The following ZDHHC17 variants were observed in gnomAD, a reference collection of about 807,000 sequenced individuals.
ZDHHC17 encodes the protein palmitoyltransferase ZDHHC17.
In ZDHHC17, 40 loss-of-function variants were observed where a neutral mutation model predicts 90.3. The observed-to-expected ratio is 0.44, with a 90% confidence interval of 0.34 to 0.58. The LOEUF is 0.58. Among genes scored for constraint, ZDHHC17 ranks in the 20% least tolerant of loss-of-function variants. The pLI is 0.01. For synonymous variants in ZDHHC17, 235 were observed against 252.4 expected (o/e 0.93, Z 0.65); for missense variants, 614 against 780.8 (o/e 0.79, Z 2.55).
rs2137786764 is a variant in ZDHHC17 at position 76,828,580 on chromosome 12, C to G, written c.1141+90C>G. 5 of 1,076,208 alleles carry G rather than the reference C, an allele frequency of 4.6e-6. No individual in the cohort carries two copies. The Middle Eastern group carries it at 8.9e-4, about 191-fold the overall frequency. The allele number at this position is 1,076,208 out of a possible 1,614,324, so 66.7% of individuals were successfully genotyped here. A position where few individuals can be genotyped will look rare whatever the true frequency, so the allele number is the denominator to read the frequency against. ...ATAATTTGACATTAGGACTGATCTA[C>G]TCATTCATAATACATTAAAATAGTG... On this transcript the variant is annotated intron_variant, in intron 10 of 16. Coordinates refer to ENST00000426126, the MANE Select transcript of ZDHHC17 (RefSeq NM_015336.4).
At chr12:76,843,053 G>A (rs1953453826) in intron 12 of ZDHHC17, 72 bp downstream of exon 12, 16 of 1,196,534 alleles carry the variant, frequency 1.3e-5, no homozygotes, top group South Asian at 5.8e-5. Context: ...CGGGTATGGG[G>A]TGTGGGGAAA....
chr12:76,765,862 G>A (rs1383790644), intron 1 of ZDHHC17, among the ~76,000 whole-genome samples: 4 of 151,924 alleles, frequency 2.6e-5, no homozygotes, highest in African/African-American at 9.7e-5. Flanking sequence ...CACCATACCC[G>A]GCTGATTTTT....
Position 76,845,459 on chromosome 12 carries a change from A to C in ZDHHC17, c.1330-250A>C, listed in dbSNP as rs141698856. 423 of 213,436 alleles carry C rather than the reference A, an allele frequency of 2.0e-3. 1 individual carries two copies. The highest frequency in any genetic ancestry group is 9.1e-3 in the African/African-American group (396 of 43,688). 13.2% of individuals were successfully genotyped at this position (213,436 alleles called of 1,614,324 possible). A position where few individuals can be genotyped will look rare whatever the true frequency, so the allele number is the denominator to read the frequency against. On this transcript the variant is annotated intron_variant, in intron 12 of 16. Transcript: ENST00000426126. Reference sequence around the variant, plus strand: ...AATTGGTAATTCTTAGCTTTTGTAAATTGATGGTTCAGTTCCATTCTTAAG... The same window carrying C: ...AATTGGTAATTCTTAGCTTTTGTAACTTGATGGTTCAGTTCCATTCTTAAG...
chr12:76,830,053 C>T (rs1011690568), intron 10 of ZDHHC17, among the ~76,000 whole-genome samples: 1 of 132,724 alleles, frequency 7.5e-6, no homozygotes, highest in Non-Finnish European at 1.6e-5. Flanking sequence ...CCAATAAAGA[C>T]AGCAAGCCAA....
intron 5 of ZDHHC17, among the ~76,000 whole-genome samples, chr12:76,810,494 G>T (rs1291316194): frequency 6.6e-6 from 1 of 152,118 alleles, no homozygotes. Context: ...CTCATCACAA[G>T]AATAACTTTA....
chr12:76,786,321 G>A (rs181260524), intron 1 of ZDHHC17, among the ~76,000 whole-genome samples: 4 of 151,562 alleles, frequency 2.6e-5, no homozygotes, highest in Admixed American at 6.6e-5. Flanking sequence ...TTGCTCTGTC[G>A]TCCAGGCTGT....
chr12:76,784,697 T>C (rs997303539), intron 1 of ZDHHC17, among the ~76,000 whole-genome samples: 1 of 152,212 alleles, frequency 6.6e-6, no homozygotes, highest in African/African-American at 2.4e-5. Context: ...CCAAAACCCT[T>C]GCATACATAT....
intron 1 of ZDHHC17, among the ~76,000 whole-genome samples, chr12:76,774,242 C>A (rs1360216507): frequency 8.0e-6 from 1 of 124,858 alleles, no homozygotes; most frequent in African/African-American, 3.0e-5. Context: ...AGAGTGAGAC[C>A]CTGTCTCAAA....
chr12:76,775,137 C>T (rs924102375), intron 1 of ZDHHC17, among the ~76,000 whole-genome samples: 1 of 152,186 alleles, frequency 6.6e-6, no homozygotes, highest in African/African-American at 2.4e-5. Flanking sequence ...TTCCTGATAG[C>T]ACAATTGTAC....
chr12:76,783,614 A>T (rs2137726856), intron 1 of ZDHHC17, among the ~76,000 whole-genome samples: 1 of 152,368 alleles, frequency 6.6e-6, no homozygotes, highest in South Asian at 2.1e-4. Flanking sequence ...TGGAATACAG[A>T]TTTTATCTCT....
chr12:76,829,381 C>T (rs765399998), intron 10 of ZDHHC17, among the ~76,000 whole-genome samples: 13 of 147,062 alleles, frequency 8.8e-5, no homozygotes, highest in East Asian at 2.0e-4. Flanking sequence ...TGTTTTAACC[C>T]GAGAGGCGGA....
chr12:76,828,784 C>T (rs1196221347), intron 10 of ZDHHC17, among the ~76,000 whole-genome samples: 7 of 152,018 alleles, frequency 4.6e-5, no homozygotes, highest in Non-Finnish European at 4.4e-5. Context: ...ATTGTTATCC[C>T]CCTTTTCCCC....
intron 6 of ZDHHC17, 97 bp from the exon 7 acceptor site, chr12:76,815,760 G>A (rs1953079522): frequency 7.9e-7 from 1 of 1,262,616 alleles, no homozygotes; most frequent in Non-Finnish European, 1.0e-6. Flanking sequence ...AAAATGGAAT[G>A]CTACTGTAAG....
At chr12:76,786,135 T>C (rs1592464699) in intron 1 of ZDHHC17, among the ~76,000 whole-genome samples, 1 of 141,878 alleles carries the variant, frequency 7.0e-6, no homozygotes, top group African/African-American at 2.6e-5. Context: ...TTTTTTTTTT[T>C]AAAGAGATGG....
chr12:76,767,771 T>C (rs1261840484), intron 1 of ZDHHC17, among the ~76,000 whole-genome samples: 2 of 152,114 alleles, frequency 1.3e-5, no homozygotes, highest in Non-Finnish European at 2.9e-5. Flanking sequence ...AATACAAAAT[T>C]AGCCATGCGT....
chr12:76,784,257 A>G (rs1377142392), intron 1 of ZDHHC17, among the ~76,000 whole-genome samples: 1 of 152,234 alleles, frequency 6.6e-6, no homozygotes, highest in Non-Finnish European at 1.5e-5. Flanking sequence ...TGTCTAAACC[A>G]TATCTAGTTT....
intron 10 of ZDHHC17, among the ~76,000 whole-genome samples, chr12:76,834,351 A>G (rs1296464200): frequency 6.6e-6 from 1 of 152,180 alleles, no homozygotes; most frequent in South Asian, 2.1e-4. Context: ...ATGTCTGAAA[A>G]TAAGTAATTT....
chr12:76,828,270 C>A, intron 9 of ZDHHC17, 120 bp from the exon 10 acceptor site: 2 of 810,738 alleles, frequency 2.5e-6, no homozygotes, highest in Non-Finnish European at 3.6e-6. Flanking sequence ...GCATCCTGAA[C>A]TCTGGATTCT....
intron 3 of ZDHHC17, among the ~76,000 whole-genome samples, chr12:76,808,783 G>A (rs571062171): frequency 4.6e-5 from 7 of 150,688 alleles, no homozygotes; most frequent in African/African-American, 1.5e-4. Flanking sequence ...TCTTTTTTAC[G>A]TGATTTTTTT....
Sources: allele counts gnomAD v4.1 joint callset (sites outside exome capture counted in the v4.1 genomes callset), GRCh38; gene constraint gnomAD v4.1.1; transcripts MANE v1.5; gene names NCBI Gene and HGNC (gene_info 2026-07-23, HGNC 2026-07-21).